The following EYS variants were observed in gnomAD, a reference collection of about 807,000 sequenced individuals.
EYS encodes the protein EGF-like photoreceptor maintenance factor.
EYS carries 250 observed loss-of-function variants against 282.1 expected under a neutral mutation model. The ratio of observed to expected loss-of-function variants is 0.89; its 90% CI spans 0.80 to 0.98. The LOEUF (loss-of-function observed/expected upper bound fraction) is 0.98, where lower values mean the gene tolerates loss of function less well. Among genes scored for constraint, EYS ranks in the 50% least tolerant of loss-of-function variants. The pLI, the probability that EYS is intolerant of heterozygous loss-of-function variation, is 0.00. For synonymous variants in EYS, 1,355 were observed against 1,282.9 expected (o/e 1.06, Z -1.20); for missense variants, 4,016 against 3,709.0 (o/e 1.08, Z -2.15).
chr6:64,388,545 A>G (rs1772985302), intron 29 of EYS, 145 bp downstream of exon 29: 1 of 585,236 alleles, frequency 1.7e-6, no homozygotes, highest in Non-Finnish European at 2.9e-6. Flanking sequence ...ATGTTAGTAG[A>G]GTCACTCAAA....
intron 12 of EYS, among the ~76,000 whole-genome samples, chr6:65,288,285 A>T (rs749590435): frequency 1.3e-4 from 19 of 150,934 alleles, no homozygotes; most frequent in Non-Finnish European, 2.5e-4. Context: ...TGGAGTGAAT[A>T]GCTGAAGTTC....
chr6:64,815,173 CTAAG>C lies in EYS; in HGVS notation c.3244-1600_3244-1597del, dbSNP rs1764711013. 1.6e-5 allele frequency: 7 copies of C among 432,426 alleles called. No individual in the cohort carries two copies. The Admixed American group carries it at 1.8e-4, about 11-fold the overall frequency. The allele number at this position is 432,426 out of a possible 1,614,324, so 26.8% of individuals were successfully genotyped here. ...CCCCCACCCCCTACAAGTGATAGAA[CTAAG>C]TATGTTTTTATAAACAAATCCTTTG... On this transcript the variant is annotated intron_variant, in intron 21 of 42. Transcript: ENST00000503581.
At chr6:64,216,911 T>A (rs1765946197) in intron 31 of EYS, among the ~76,000 whole-genome samples, 1 of 152,180 alleles carries the variant, frequency 6.6e-6, no homozygotes. Flanking sequence ...GTTACATAAC[T>A]AATTGAGAAT....
chr6:64,345,838 C>G (rs567357844), intron 29 of EYS, among the ~76,000 whole-genome samples: 1 of 151,966 alleles, frequency 6.6e-6, no homozygotes, highest in African/African-American at 2.4e-5. Context: ...CTACAACAAA[C>G]TCAAACAAAT....
At chr6:65,217,726 C>T (rs2150256595) in intron 12 of EYS, among the ~76,000 whole-genome samples, 1 of 152,118 alleles carries the variant, frequency 6.6e-6, no homozygotes, top group South Asian at 2.1e-4. Flanking sequence ...TCTTTATGAG[C>T]ATGGAGCTAG....
intron 35 of EYS, among the ~76,000 whole-genome samples, chr6:63,921,234 C>T (rs972689989): frequency 2.6e-5 from 4 of 152,134 alleles, no homozygotes; most frequent in Non-Finnish European, 5.9e-5. Flanking sequence ...ACTGGTTACC[C>T]GCTGCACTGT....
chr6:64,968,577 A>G (rs192206646), intron 14 of EYS, among the ~76,000 whole-genome samples: 54 of 152,310 alleles, frequency 3.5e-4, no homozygotes, highest in Admixed American at 3.5e-3. Flanking sequence ...AGATGCTCGA[A>G]GCAGTATTAT....
chr6:65,410,433 T>C (rs1766938758), intron 5 of EYS, among the ~76,000 whole-genome samples: 1 of 152,002 alleles, frequency 6.6e-6, no homozygotes, highest in Non-Finnish European at 1.5e-5. Context: ...CGTTTTGTAA[T>C]ATATAGCACC....
At chr6:64,009,689 G>A (rs556239599) in intron 33 of EYS, among the ~76,000 whole-genome samples, 95 of 152,166 alleles carry the variant, frequency 6.2e-4, no homozygotes, top group African/African-American at 2.2e-3. Flanking sequence ...GAATCTTGAT[G>A]ATCTTTGTTC....
chr6:65,511,028 C>T (rs573206120), intron 2 of EYS, among the ~76,000 whole-genome samples: 2 of 152,284 alleles, frequency 1.3e-5, no homozygotes, highest in South Asian at 4.1e-4. Context: ...GAATTACTTT[C>T]TCACCAATTC....
chr6:65,660,715 C>T (rs114528594), intron 1 of EYS, among the ~76,000 whole-genome samples: 1,877 of 151,810 alleles, frequency 0.012, 12 homozygotes, highest in Non-Finnish European at 0.018. Flanking sequence ...GCAATGCTTA[C>T]GGAAAATTGA....
chr6:64,949,493 T>C (rs915197572), intron 14 of EYS, among the ~76,000 whole-genome samples: 6 of 151,932 alleles, frequency 3.9e-5, no homozygotes, highest in Non-Finnish European at 7.4e-5. Flanking sequence ...TTTGTTTTTT[T>C]AAGGACAACA....
intron 2 of EYS, among the ~76,000 whole-genome samples, chr6:65,540,275 T>G (rs937243542): frequency 3.9e-5 from 6 of 152,162 alleles, no homozygotes; most frequent in Admixed American, 1.3e-4. Flanking sequence ...CTATCTAGTT[T>G]TAGTGGCATA....
At chr6:64,423,677 G>A (rs983749799) in intron 28 of EYS, among the ~76,000 whole-genome samples, 3 of 152,032 alleles carry the variant, frequency 2.0e-5, no homozygotes, top group Non-Finnish European at 2.9e-5. Context: ...GCGTGGTGGC[G>A]TGTGCCTGTA....
chr6:64,014,429 A>G (rs1768791720), intron 33 of EYS, among the ~76,000 whole-genome samples: 2 of 152,100 alleles, frequency 1.3e-5, no homozygotes, highest in Admixed American at 6.6e-5. Flanking sequence ...GCAGTACATA[A>G]TTTTCCTGAC....
intron 33 of EYS, among the ~76,000 whole-genome samples, chr6:64,054,066 A>AC (rs1198834731): frequency 6.6e-6 from 1 of 152,258 alleles, no homozygotes; most frequent in East Asian, 1.9e-4. Flanking sequence ...ATTTAGTTTC[A>AC]CATGTGGCCT....
intron 29 of EYS, among the ~76,000 whole-genome samples, chr6:64,332,779 T>A (rs1193450417): frequency 6.6e-6 from 1 of 152,186 alleles, no homozygotes; most frequent in Non-Finnish European, 1.5e-5. Context: ...AGTCTACACA[T>A]GGCCGAAGCC....
chr6:63,972,766 C>T (rs1461053372), intron 35 of EYS, among the ~76,000 whole-genome samples: 1 of 152,118 alleles, frequency 6.6e-6, no homozygotes, highest in African/African-American at 2.4e-5. Flanking sequence ...ATTTAACTCC[C>T]ACTTACGAGT....
At chr6:64,000,778 T>C (rs1768059830) in intron 33 of EYS, among the ~76,000 whole-genome samples, 1 of 152,112 alleles carries the variant, frequency 6.6e-6, no homozygotes, top group African/African-American at 2.4e-5. Context: ...TTCCAGTAAA[T>C]TATTCCACGG....
Sources: gnomAD v4.1 joint callset for allele counts (sites outside exome capture counted in the v4.1 genomes callset) on GRCh38, gnomAD v4.1.1 for gene constraint, MANE v1.5 for transcripts, NCBI Gene and HGNC (gene_info 2026-07-23, HGNC 2026-07-21) for gene names.